The following WDR33 variants were observed in gnomAD, a reference collection of about 807,000 sequenced individuals.
WDR33 encodes pre-mRNA 3' end processing protein WDR33.
Under a neutral mutation model 164.9 loss-of-function variants are expected in WDR33, and 47 were observed. The observed-to-expected ratio is 0.29, with a 90% CI of 0.23 to 0.36. The LOEUF (loss-of-function observed/expected upper bound fraction) is 0.36, where lower values mean the gene tolerates loss of function less well. WDR33 is among the 10% of genes least tolerant of loss of function. The pLI, the probability that WDR33 is intolerant of heterozygous loss-of-function variation, is 1.00. For missense variants in WDR33, 1,137 were observed against 1,754.1 expected, an observed-to-expected ratio of 0.65 and a Z score of 6.28; for synonymous variants, 505 against 589.0, an observed-to-expected ratio of 0.86 and a Z score of 2.06.
At chr2:127,804,650 T>A (rs1476429926) in intron 1 of WDR33, among the ~76,000 whole-genome samples, 1 of 152,228 alleles carries the variant, frequency 6.6e-6, no homozygotes, top group Non-Finnish European at 1.5e-5. Context: ...TTTGAACTAT[T>A]CTTCCAACTC....
chr2:127,755,728 G>A (rs920629142), intron 7 of WDR33, among the ~76,000 whole-genome samples: 3 of 152,132 alleles, frequency 2.0e-5, no homozygotes, highest in African/African-American at 7.2e-5. Flanking sequence ...GGCCTGATGG[G>A]ATTAAGAACT....
At position 127,721,956 on chromosome 2, in the gene WDR33, A is replaced by G; in HGVS notation, c.1551T>C (p.Ala517=). ...TTCTGTCATTCAGCACCTCATTTGG[A>G]GCAGGAATTGGAACTTTATTTTGCA... ...AWMQNKVPIP[A]PNEVLNDRKE... The change falls in exon 15 of 22, where the codon GCT becomes GCC. Residue 517 remains alanine, a synonymous_variant. Coordinates refer to ENST00000322313, the MANE Select transcript of WDR33 (RefSeq NM_018383.5). This position sits in a 1 kb window ranked among gnomAD's most constrained non-coding sequence, Gnocchi z 4.9. 2 of 1,613,114 alleles carry G rather than the reference A, an allele frequency of 1.2e-6. No individual in the cohort carries two copies. The highest frequency in any genetic ancestry group is 1.7e-6 in the Non-Finnish European group (2 of 1,179,852).
Position 127,702,055 on chromosome 2 carries a change from A to T in WDR33, c.*4268T>A. 8.2e-7 allele frequency: 1 copy of T among 1,225,488 alleles called. No individual in the cohort carries two copies. Among genetic ancestry groups the T allele is most frequent in the Non-Finnish European group, 1.0e-6 (1 of 985,644 alleles). The allele number at this position is 1,225,488 out of a possible 1,614,324, so 75.9% of individuals were successfully genotyped here. A position where few individuals can be genotyped will look rare whatever the true frequency, so the allele number is the denominator to read the frequency against. On this transcript the variant is annotated 3_prime_UTR_variant, in exon 22 of 22. Transcript: ENST00000322313. ...CTCACGGTGCTGGGCGCGGGCGCGC[A>T]GGTGGCCGCGCTGCTGGCCGCGCTG... is the stretch of plus-strand genomic sequence containing the variant.
In WDR33 at chr2:127,764,458, T is replaced by C; in HGVS notation, c.626+370A>G. ...GTTGTTTTCTGTAGGCTTTAGATTT[T>C]ATTCAGTTGCATAATTAAAGACTGA... On this transcript the variant is annotated intron_variant, in intron 6 of 21. Transcript: ENST00000322313. The surrounding 1 kb of genome is among the most constrained non-coding windows in gnomAD (Gnocchi z 6.2). The C allele has an allele frequency of 6.9e-7, 1 of 1,459,436 alleles. No homozygotes were observed. Among genetic ancestry groups the C allele is most frequent in the Non-Finnish European group, 9.0e-7 (1 of 1,108,364 alleles). 90.4% of individuals were successfully genotyped at this position (1,459,436 alleles called of 1,614,324 possible).
intron 7 of WDR33, chr2:127,737,827 T>C (rs924846063): frequency 8.1e-6 from 11 of 1,358,242 alleles, no homozygotes; most frequent in African/African-American, 3.0e-5. Context: ...TTCTTTTTAA[T>C]TGAGAATTTA....
intron 7 of WDR33, chr2:127,736,729 G>A (rs1686856140): frequency 1.0e-6 from 1 of 985,296 alleles, no homozygotes; most frequent in Non-Finnish European, 1.2e-6. Flanking sequence ...GCATCAAAGT[G>A]AGCAAATTCT....
intron 7 of WDR33, among the ~76,000 whole-genome samples, chr2:127,739,847 C>A (rs1261862909): frequency 6.6e-6 from 1 of 152,186 alleles, no homozygotes; most frequent in Non-Finnish European, 1.5e-5. Context: ...GATGTGAGAG[C>A]ATGTTCCCAA....
intron 1 of WDR33, among the ~76,000 whole-genome samples, chr2:127,803,958 A>C (rs1689344281): frequency 6.6e-6 from 1 of 151,684 alleles, no homozygotes. Context: ...AAAAAAAAAA[A>C]AAAAAAAAAA....
intron 7 of WDR33, among the ~76,000 whole-genome samples, chr2:127,758,624 G>C (rs1687586072): frequency 6.6e-6 from 1 of 152,166 alleles, no homozygotes; most frequent in South Asian, 2.1e-4. Context: ...TTCTCTTTAT[G>C]AGTATAATGG....
At position 127,770,343 on chromosome 2, in the gene WDR33, CAACT is replaced by C. The variant is rs1313517790; in HGVS notation, c.204+431_204+434del. The stretch of plus-strand genomic sequence containing the variant: ...GAAATTCCACCGTGTCCCACTAATT[CAACT>C]AACACAGGTATACATACTTACTACA... On this transcript the variant is annotated intron_variant, in intron 2 of 21. Transcript: ENST00000322313. The surrounding 1 kb of genome is among the most constrained non-coding windows in gnomAD (Gnocchi z 4.9). Among the ~76,000 whole-genome samples the C allele has an allele frequency of 1.3e-5, 2 of 152,196 alleles. No homozygotes were observed. Among genetic ancestry groups the C allele is most frequent in the African/African-American group, 4.8e-5 (2 of 41,438 alleles).
In WDR33 at chr2:127,763,669, G is replaced by T; in HGVS notation, c.627-510C>A. 1.0e-6 allele frequency: 1 copy of T among 985,936 alleles called. No homozygotes were observed. The allele number at this position is 985,936 out of a possible 1,614,324, so 61.1% of individuals were successfully genotyped here. A position where few individuals can be genotyped will look rare whatever the true frequency, so the allele number is the denominator to read the frequency against. The stretch of plus-strand genomic sequence containing the variant: ...ACAATGTTTCTCATCCATTTCAAAG[G>T]TCTGTAGAAAAGTTTCACATCTTCC... On this transcript the variant is annotated intron_variant, in intron 6 of 21. Coordinates refer to ENST00000322313, the MANE Select transcript of WDR33 (RefSeq NM_018383.5). The surrounding 1 kb of genome is among the most constrained non-coding windows in gnomAD (Gnocchi z 4.5).
chr2:127,788,247 T>A (rs1688678637), intron 1 of WDR33, among the ~76,000 whole-genome samples: 3 of 116,026 alleles, frequency 2.6e-5, no homozygotes, highest in East Asian at 2.8e-4. Context: ...GGCAGGGGGC[T>A]GACCCCCCCC....
Position 127,722,008 on chromosome 2 carries a change from T to C in WDR33, c.1519-20A>G. 6.2e-7 allele frequency: 1 copy of C among 1,607,110 alleles called. No individual in the cohort carries two copies. Among genetic ancestry groups the C allele is most frequent in the Non-Finnish European group, 8.5e-7 (1 of 1,178,576 alleles). On this transcript the variant is annotated intron_variant, in intron 14 of 21. Transcript: ENST00000322313. This position sits in a 1 kb window ranked among gnomAD's most constrained non-coding sequence, Gnocchi z 5.1. ...CCAAGCCTTGGGAAAGAAGAGAATATTAAAATGTACGCTAAGTATGAAAAT... is the reference window on the plus strand; with the variant it reads ...CCAAGCCTTGGGAAAGAAGAGAATACTAAAATGTACGCTAAGTATGAAAAT...
At chr2:127,725,390 G>A (rs1422069235) in intron 8 of WDR33, among the ~76,000 whole-genome samples, 175 bp from the exon 9 acceptor site, 8 of 152,276 alleles carry the variant, frequency 5.3e-5, no homozygotes, top group South Asian at 2.1e-4. Context: ...ACAAGTCAAC[G>A]ACAGAAATAA....
At chr2:127,799,948 T>C (rs1326462902) in intron 1 of WDR33, among the ~76,000 whole-genome samples, 1 of 152,126 alleles carries the variant, frequency 6.6e-6, no homozygotes, top group East Asian at 1.9e-4. Flanking sequence ...TCCACTGGGA[T>C]GGCTATGGTC....
chr2:127,704,295 G>A lies in WDR33; in HGVS notation c.*2028C>T, dbSNP rs1405559314. 1 of 166,806 alleles carries A rather than the reference G, an allele frequency of 6.0e-6. No individual in the cohort carries two copies. The highest frequency in any genetic ancestry group is 1.9e-4 in the East Asian group (1 of 5,210). 10.3% of individuals were successfully genotyped at this position (166,806 alleles called of 1,614,324 possible). A position where few individuals can be genotyped will look rare whatever the true frequency, so the allele number is the denominator to read the frequency against. On this transcript the variant is annotated 3_prime_UTR_variant, in exon 22 of 22. Coordinates refer to ENST00000322313, the MANE Select transcript of WDR33 (RefSeq NM_018383.5). ...TCACTCTCAAAATGTGATCTGTCAA[G>A]TCCAGTAGAGCTTCAAGGTAAAATG...
At chr2:127,810,333 C>A (rs1384757636) in intron 1 of WDR33, among the ~76,000 whole-genome samples, 1 of 152,176 alleles carries the variant, frequency 6.6e-6, no homozygotes, top group Non-Finnish European at 1.5e-5. Flanking sequence ...GACCTGCCGC[C>A]GCCGCCTCCT....
In WDR33 at chr2:127,705,208, A is replaced by G. The variant is rs533357571; in HGVS notation, c.*1115T>C. Reference sequence around the variant, plus strand: ...GACAGTCCTTTTAATAAAAGCTTCCATGTAAAACCAAAATAAAGGTCAGTA... The same window carrying G: ...GACAGTCCTTTTAATAAAAGCTTCCGTGTAAAACCAAAATAAAGGTCAGTA... On this transcript the variant is annotated 3_prime_UTR_variant, in exon 22 of 22. Coordinates refer to ENST00000322313, the MANE Select transcript of WDR33 (RefSeq NM_018383.5). The surrounding 1 kb of genome is among the most constrained non-coding windows in gnomAD (Gnocchi z 4.5). The G allele has an allele frequency of 2.5e-4, 42 of 167,282 alleles. No homozygotes were observed. Among genetic ancestry groups the G allele is most frequent in the African/African-American group, 8.9e-4 (37 of 41,602 alleles). 10.4% of individuals were successfully genotyped at this position (167,282 alleles called of 1,614,324 possible). A position where few individuals can be genotyped will look rare whatever the true frequency, so the allele number is the denominator to read the frequency against.
rs1687884162 is a variant in WDR33, at chr2:127,768,301, A to G, written c.274-8T>C. 2 of 1,521,252 alleles carry G rather than the reference A, an allele frequency of 1.3e-6. No homozygotes were observed. The highest frequency in any genetic ancestry group is 1.4e-5 in the African/African-American group (1 of 72,498). The allele number at this position is 1,521,252 out of a possible 1,614,324, so 94.2% of individuals were successfully genotyped here. A position where few individuals can be genotyped will look rare whatever the true frequency, so the allele number is the denominator to read the frequency against. On this transcript the variant is annotated splice_region_variant and splice_polypyrimidine_tract_variant and intron_variant, in intron 3 of 21. Coordinates refer to ENST00000322313, the MANE Select transcript of WDR33 (RefSeq NM_018383.5). ...TCCTATAGGTGGGACCAGCTACAAAAAAGGAAAATTGGGTTCTTAGAGCTC... is the reference window on the plus strand; with the variant it reads ...TCCTATAGGTGGGACCAGCTACAAAGAAGGAAAATTGGGTTCTTAGAGCTC...
Sources: gnomAD v4.1 joint callset for allele counts (sites outside exome capture counted in the v4.1 genomes callset) on GRCh38, gnomAD v4.1.1 for gene constraint, Gnocchi (gnomAD v3.1) non-coding constraint, MANE v1.5 for transcripts, NCBI Gene and HGNC (gene_info 2026-07-23, HGNC 2026-07-21) for gene names.